The following ABCA1 variants were observed in gnomAD, a reference collection of about 807,000 sequenced individuals.
ABCA1 encodes the protein phospholipid-transporting ATPase ABCA1.
In ABCA1, 133 loss-of-function variants were observed where a neutral mutation model predicts 262.5. That is an observed-to-expected ratio of 0.51 (90% confidence interval 0.44 to 0.59). ABCA1 has a LOEUF of 0.59. Among genes scored for constraint, ABCA1 ranks in the 20% least tolerant of loss-of-function variants. The pLI, the probability that ABCA1 is intolerant of heterozygous loss-of-function variation, is 0.00. For missense variants in ABCA1, 2,452 were observed against 2,777.5 expected, an observed-to-expected ratio of 0.88 and a Z score of 2.63; for synonymous variants, 1,022 against 1,043.5, an observed-to-expected ratio of 0.98 and a Z score of 0.40.
intron 11 of ABCA1, among the ~76,000 whole-genome samples, chr9:104,835,072 A>G (rs1833691987): frequency 6.6e-6 from 1 of 151,976 alleles, no homozygotes; most frequent in African/African-American, 2.4e-5. Context: ...ACATGGTGAA[A>G]TCCCATCTCC....
rs74316246 is a variant in ABCA1, at chr9:104,784,219, A to G, written c.*96T>C. The G allele has an allele frequency of 1.0e-3, 1,592 of 1,518,832 alleles. 21 individuals are homozygous for G. In the African/African-American group the frequency reaches 0.018, roughly 18 times the overall value. 94.1% of individuals were successfully genotyped at this position (1,518,832 alleles called of 1,614,324 possible). The stretch of plus-strand genomic sequence containing the variant: ...CAGTATCCAGTTTACTTCTTCCCAC[A>G]TCAACTTCTGGCTCTTTTCTCCACA... On this transcript the variant is annotated 3_prime_UTR_variant, in exon 50 of 50. Coordinates refer to ENST00000374736, the MANE Select transcript of ABCA1 (RefSeq NM_005502.4).
chr9:104,861,748 C>G lies in ABCA1; in HGVS notation c.474G>C (p.Leu158=), dbSNP rs2230805. ...LVDNETFSGF[L]YHNLSLPKST... ...ACTTTGGGAGAGAGAGGTTGTGATA[C>G]AGGAACCCAGAGAAGGTTTCATTGT... The change falls in exon 6 of 50, where the codon CTG becomes CTC. Residue 158 remains leucine, a synonymous_variant. Coordinates refer to ENST00000374736, the MANE Select transcript of ABCA1 (RefSeq NM_005502.4). The G allele has an allele frequency of 2.3e-5, 37 of 1,613,154 alleles. No individual in the cohort carries two copies. The highest frequency in any genetic ancestry group is 1.7e-4 in the Middle Eastern group (1 of 6,060).
At chr9:104,904,551 C>A (rs1168528250) in intron 1 of ABCA1, among the ~76,000 whole-genome samples, 1 of 140,490 alleles carries the variant, frequency 7.1e-6, no homozygotes, top group Non-Finnish European at 1.5e-5. Flanking sequence ...GGCGACAGAG[C>A]GAGACTCTGT....
At chr9:104,787,360 T>A (rs1167034623) in intron 46 of ABCA1, among the ~76,000 whole-genome samples, 2 of 152,100 alleles carry the variant, frequency 1.3e-5, no homozygotes, top group Non-Finnish European at 2.9e-5. Context: ...TTTTTTTTTT[T>A]AATTCCAGCT....
chr9:104,922,345 C>A (rs12343571), intron 1 of ABCA1, among the ~76,000 whole-genome samples: 7,182 of 152,238 alleles, frequency 0.047, 187 homozygotes, highest in Admixed American at 0.064. Context: ...TCCCTTTTGG[C>A]CTTTTGCTAA....
chr9:104,824,732 C>A (rs1832673062), intron 17 of ABCA1, among the ~76,000 whole-genome samples, 154 bp from the exon 18 acceptor site: 1 of 152,292 alleles, frequency 6.6e-6, no homozygotes, highest in East Asian at 1.9e-4. Flanking sequence ...TTGCTGAAAC[C>A]TGCTATGTAC....
intron 1 of ABCA1, among the ~76,000 whole-genome samples, chr9:104,916,028 G>A (rs1456668361): frequency 6.6e-6 from 1 of 152,074 alleles, no homozygotes; most frequent in Non-Finnish European, 1.5e-5. Flanking sequence ...AGAAAGCCAT[G>A]CTCTGATCAT....
In ABCA1 at chr9:104,825,747, G is replaced by A; in HGVS notation, c.2478C>T (p.Ser826=). The A allele has an allele frequency of 6.2e-7, 1 of 1,614,224 alleles. No individual in the cohort carries two copies. The highest frequency in any genetic ancestry group is 1.3e-5 in the African/African-American group (1 of 75,064). ...EDGFNLTTSV[S]MMLFDTFLYG... ...AGAGGAAGGTGTCAAACAGCATCAT[G>A]GAGACCGAAGTGGTGAGATTGAAGC... Residue 826 remains serine, a synonymous_variant, in exon 17 of 50, where the codon TCC becomes TCT. Transcript: ENST00000374736.
intron 19 of ABCA1, among the ~76,000 whole-genome samples, chr9:104,822,294 G>C (rs1381138983): frequency 6.6e-6 from 1 of 152,200 alleles, no homozygotes; most frequent in Non-Finnish European, 1.5e-5. Flanking sequence ...GCCCCAGCTT[G>C]TTTTAGGCTG....
intron 7 of ABCA1, among the ~76,000 whole-genome samples, chr9:104,853,654 C>T (rs376017412): frequency 6.6e-6 from 1 of 152,148 alleles, no homozygotes; most frequent in East Asian, 1.9e-4. Context: ...ATGAATGTCT[C>T]ATACCTAGTT....
intron 2 of ABCA1, among the ~76,000 whole-genome samples, chr9:104,891,996 A>G (rs1288895128): frequency 7.3e-6 from 1 of 136,168 alleles, no homozygotes; most frequent in African/African-American, 2.9e-5. Flanking sequence ...AAAAAAAAAA[A>G]GTGATGTTTT....
chr9:104,831,461 C>T (rs1187466238), intron 13 of ABCA1, among the ~76,000 whole-genome samples, 161 bp downstream of exon 13: 1 of 152,168 alleles, frequency 6.6e-6, no homozygotes, highest in South Asian at 2.1e-4. Context: ...TCCAGCAAGT[C>T]ATGTACCAAT....
chr9:104,812,535 C>T (rs369564028), intron 28 of ABCA1, 39 bp downstream of exon 28: 15 of 1,613,352 alleles, frequency 9.3e-6, no homozygotes, highest in Non-Finnish European at 1.3e-5. Flanking sequence ...GCAGCCCACC[C>T]ATGAAGCCAG....
chr9:104,788,230 T>C lies in ABCA1; in HGVS notation c.6070-176A>G, dbSNP rs368823935. ...GGGACTCGTGTGGTGGGAGCAGCAC[T>C]CCCTCTCTGCCCACCCAGCCCTGCC... On this transcript the variant is annotated intron_variant, in intron 45 of 49. Transcript: ENST00000374736. 8.3e-4 allele frequency among the ~76,000 whole-genome samples: 126 copies of C among 152,220 alleles called. 2 individuals carry two copies. The South Asian group carries it at 0.02, about 24-fold the overall frequency.
In ABCA1 at chr9:104,782,186, T is replaced by G. The variant is rs573577369; in HGVS notation, c.*2129A>C. On this transcript the variant is annotated 3_prime_UTR_variant, in exon 50 of 50. Coordinates refer to ENST00000374736, the MANE Select transcript of ABCA1 (RefSeq NM_005502.4). ...AAAATATTAAATGAGGAGAAATTAT[T>G]CTATAAATTCTGTATTTTTGAAGAT... is the stretch of plus-strand genomic sequence containing the variant. The G allele has an allele frequency of 2.0e-5, 3 of 152,114 alleles. No homozygotes were observed. The highest frequency in any genetic ancestry group is 4.4e-5 in the Non-Finnish European group (3 of 67,966). 9.4% of individuals were successfully genotyped at this position (152,114 alleles called of 1,614,324 possible).
intron 2 of ABCA1, 197 bp from the exon 3 acceptor site, chr9:104,889,392 T>C (rs1047858682): frequency 2.0e-6 from 2 of 984,472 alleles, no homozygotes; most frequent in Non-Finnish European, 2.4e-6. Context: ...TACCTCTGTG[T>C]CTTCCCTTAG....
chr9:104,862,641 G>GCCCCCACCCCC, intron 5 of ABCA1, among the ~76,000 whole-genome samples: 1 of 2,018 alleles, frequency 5.0e-4, no homozygotes, highest in Admixed American at 2.6e-3. Context: ...TGCCGGGCCG[G>GCCCCCACCCCC]GCCGGGCCGG....
intron 32 of ABCA1, among the ~76,000 whole-genome samples, chr9:104,803,764 C>T (rs1269263314): frequency 6.6e-6 from 1 of 152,170 alleles, no homozygotes; most frequent in Non-Finnish European, 1.5e-5. Context: ...CGCACCACCA[C>T]GCCCAGCTTA....
At position 104,821,283 on chromosome 9, in the gene ABCA1, A is replaced by C. The variant is rs1316026589; in HGVS notation, c.2960+92T>G. 6 of 1,532,850 alleles carry C rather than the reference A, an allele frequency of 3.9e-6. No individual in the cohort carries two copies. In the East Asian group the frequency reaches 1.1e-4, roughly 29 times the overall value. 95.0% of individuals were successfully genotyped at this position (1,532,850 alleles called of 1,614,324 possible). ...AAAAAAGAAAAAACAAAAACACAGC[A>C]AAGTAAAATGCTTAAGTCCCACTCC... On this transcript the variant is annotated intron_variant, in intron 20 of 49. Transcript: ENST00000374736.
Sources: gnomAD v4.1 joint callset for allele counts (sites outside exome capture counted in the v4.1 genomes callset) on GRCh38, gnomAD v4.1.1 for gene constraint, MANE v1.5 for transcripts, NCBI Gene and HGNC (gene_info 2026-07-23, HGNC 2026-07-21) for gene names.